Variants in NLRP1 observed in about 807,000 individuals in gnomAD.
NLRP1 encodes the protein NACHT, LRR and PYD domains-containing protein 1.
In NLRP1, 94 loss-of-function variants were observed where a neutral mutation model predicts 136.7. That is an observed-to-expected ratio of 0.69 (90% CI 0.58 to 0.82). NLRP1 has a LOEUF of 0.82. Among genes scored for constraint, NLRP1 ranks in the 40% least tolerant of loss-of-function variants. NLRP1 has a pLI of 0.00. For synonymous variants in NLRP1, 690 were observed against 725.1 expected (o/e 0.95, Z 0.78); for missense variants, 1,575 against 1,802.7 (o/e 0.87, Z 2.29).
intron 7 of NLRP1, among the ~76,000 whole-genome samples, chr17:5,538,893 A>T (rs1911462716): frequency 6.6e-6 from 1 of 152,024 alleles, no homozygotes; most frequent in Non-Finnish European, 1.5e-5. Context: ...TAATTAATTA[A>T]TTTTTGAGAC....
At chr17:5,552,192 G>A (rs927943973) in intron 5 of NLRP1, among the ~76,000 whole-genome samples, 5 of 143,730 alleles carry the variant, frequency 3.5e-5, no homozygotes, top group African/African-American at 1.3e-4. Context: ...GGCATGTTGT[G>A]ATTTTGTTTT....
Position 5,583,606 on chromosome 17 carries a change from AGTG to A in NLRP1, c.271+78_271+80del. Reference sequence around the variant, plus strand: ...GAGGAAGGCCTGGCAGGGAGGGCTCAGTGGTGGGGTCCCAAGAGGGCAGGGCAG... The same window carrying A: ...GAGGAAGGCCTGGCAGGGAGGGCTCAGTGGGGTCCCAAGAGGGCAGGGCAG... On this transcript the variant is annotated intron_variant, in intron 1 of 16. Transcript: ENST00000572272. The surrounding 1 kb of genome is among the most constrained non-coding windows in gnomAD (Gnocchi z 4.5). 1.4e-6 allele frequency: 2 copies of A among 1,381,232 alleles called. No individual in the cohort carries two copies. 85.6% of individuals were successfully genotyped at this position (1,381,232 alleles called of 1,614,324 possible). A position where few individuals can be genotyped will look rare whatever the true frequency, so the allele number is the denominator to read the frequency against.
At chr17:5,501,799 G>A (rs1471237800) in exon 16 of NLRP1, 4 of 1,610,572 alleles carry the variant, frequency 2.5e-6, no homozygotes, top group East Asian at 2.2e-5. Context: ...TGGTACTGCC[G>A]CAGGCTGCTG....
At chr17:5,534,548 C>T (rs957214183) in intron 8 of NLRP1, among the ~76,000 whole-genome samples, 1 of 152,198 alleles carries the variant, frequency 6.6e-6, no homozygotes, top group African/African-American at 2.4e-5. Context: ...CAACACCTCT[C>T]AAATAGCTCT....
At position 5,559,667 on chromosome 17, in the gene NLRP1, C is replaced by CAGGTGA; in HGVS notation, c.1028_1029insTCACCT (p.Leu343_Ala344insHisLeu). The CAGGTGA allele has an allele frequency of 3.7e-6, 6 of 1,614,260 alleles. No individual in the cohort carries two copies. Among genetic ancestry groups the CAGGTGA allele is most frequent in the Non-Finnish European group, 5.1e-6 (6 of 1,180,048 alleles). On this transcript the variant is annotated inframe_insertion, in exon 4 of 17. Coordinates refer to ENST00000572272, the MANE Select transcript of NLRP1 (RefSeq NM_033004.4). ...CCCAGGCTTCCTTCACCTGCCTGGCCAGTGTTGACTTCCCAATTCCAGCAG... is the reference window on the plus strand; with the variant it reads ...CCCAGGCTTCCTTCACCTGCCTGGCCAGGTGAAGTGTTGACTTCCCAATTCCAGCAG...
In NLRP1 at chr17:5,517,356, C is replaced by CG. The variant is rs1298777526; in HGVS notation, c.4057+389_4057+390insC. On this transcript the variant is annotated intron_variant, in intron 15 of 16. Coordinates refer to ENST00000572272, the MANE Select transcript of NLRP1 (RefSeq NM_033004.4). ...CTGTGATAGTGCACTCTGCACCCCC[C>CG]CCCCTCCCACATACACAGACTTTCT... 1.2e-4 allele frequency among the ~76,000 whole-genome samples: 10 copies of CG among 86,904 alleles called. 1 individual carries two copies. Among genetic ancestry groups the CG allele is most frequent in the South Asian group, 3.9e-4 (1 of 2,556 alleles). 57.0% of individuals were successfully genotyped at this position (86,904 alleles called of 152,430 possible).
At chr17:5,536,513 C>T (rs1016954494) in intron 8 of NLRP1, among the ~76,000 whole-genome samples, 3 of 146,536 alleles carry the variant, frequency 2.0e-5, no homozygotes, top group Admixed American at 7.0e-5. Flanking sequence ...TGCAGTAGCG[C>T]GATCTTGGCT....
At chr17:5,556,154 ACACACAC>A (rs1401997050) in intron 4 of NLRP1, among the ~76,000 whole-genome samples, 4 of 140,328 alleles carry the variant, frequency 2.9e-5, no homozygotes, top group African/African-American at 1.1e-4. Flanking sequence ...ACACACACAC[ACACACAC>A]ATGAAGGGCT....
At position 5,531,128 on chromosome 17, in the gene NLRP1, CTGTCT is replaced by C. The variant is rs57762340; in HGVS notation, c.3297-429_3297-425del. Among the ~76,000 whole-genome samples the C allele has an allele frequency of 5.1e-4, 77 of 149,962 alleles. 1 individual carries two copies. Among genetic ancestry groups the C allele is most frequent in the African/African-American group, 1.5e-3 (63 of 40,842 alleles). On this transcript the variant is annotated intron_variant, in intron 11 of 16. Transcript: ENST00000572272. ...ATAACAATATATGTGCTAAGATTAT[CTGTCT>C]TGTCTTGTCTGTCTATCTATCTATC... is the stretch of plus-strand genomic sequence containing the variant.
chr17:5,555,841 C>T (rs971361946), intron 4 of NLRP1, among the ~76,000 whole-genome samples: 1 of 152,052 alleles, frequency 6.6e-6, no homozygotes, highest in Non-Finnish European at 1.5e-5. Flanking sequence ...GCCTGTGATC[C>T]CAGCACTTTG....
chr17:5,510,694 T>A (rs1268897205), downstream of NLRP1, among the ~76,000 whole-genome samples: 1 of 151,530 alleles, frequency 6.6e-6, no homozygotes, highest in Non-Finnish European at 1.5e-5. Flanking sequence ...TTTTTTTTTT[T>A]AAGAGACGGG....
At chr17:5,524,408 G>A (rs1909277197) in intron 12 of NLRP1, among the ~76,000 whole-genome samples, 1 of 152,206 alleles carries the variant, frequency 6.6e-6, no homozygotes, top group Non-Finnish European at 1.5e-5. Context: ...TCAGTGTTGA[G>A]TTTGCTTCCA....
At chr17:5,536,713 A>C (rs1174812295) in intron 8 of NLRP1, 138 bp downstream of exon 8, 5 of 610,892 alleles carry the variant, frequency 8.2e-6, no homozygotes, top group Non-Finnish European at 1.2e-5. Context: ...TTGCACTGAC[A>C]AGTGCACCTC....
chr17:5,512,069 T>C, downstream of NLRP1: 1 of 701,818 alleles, frequency 1.4e-6, no homozygotes, highest in Non-Finnish European at 2.6e-6. Flanking sequence ...GGTATTTTTG[T>C]TTTGGGTTTT....
chr17:5,517,615 TG>T, intron 15 of NLRP1, 130 bp downstream of exon 15: 1 of 1,029,338 alleles, frequency 9.7e-7, no homozygotes, highest in East Asian at 2.5e-5. Flanking sequence ...CTTGAACTCC[TG>T]ACCTTGTGAT....
chr17:5,531,854 T>A (rs781155727), intron 11 of NLRP1, among the ~76,000 whole-genome samples: 2 of 152,208 alleles, frequency 1.3e-5, no homozygotes, highest in Non-Finnish European at 2.9e-5. Context: ...TGGCTGTTAA[T>A]AAAACAGGAG....
intron 15 of NLRP1, among the ~76,000 whole-genome samples, chr17:5,506,176 C>T (rs1054544952): frequency 2.6e-5 from 4 of 151,422 alleles, no homozygotes; most frequent in Non-Finnish European, 5.9e-5. Context: ...CACGGCTACC[C>T]GAGAGGCTGA....
At chr17:5,524,190 A>G (rs1909249463) in intron 12 of NLRP1, among the ~76,000 whole-genome samples, 1 of 152,228 alleles carries the variant, frequency 6.6e-6, no homozygotes. Flanking sequence ...GCCTGGCCAC[A>G]GTATAACTAT....
intron 3 of NLRP1, among the ~76,000 whole-genome samples, chr17:5,576,256 G>C (rs1189168473): frequency 6.6e-6 from 1 of 152,064 alleles, no homozygotes; most frequent in Non-Finnish European, 1.5e-5. Flanking sequence ...GCTAGCAGAA[G>C]GCAAGAAATA....
Sources: gnomAD v4.1 joint callset for allele counts (sites outside exome capture counted in the v4.1 genomes callset) on GRCh38, gnomAD v4.1.1 for gene constraint, Gnocchi (gnomAD v3.1) non-coding constraint, MANE v1.5 for transcripts, NCBI Gene and HGNC (gene_info 2026-07-23, HGNC 2026-07-21) for gene names.